The following EIF4G3 variants were observed in gnomAD, a reference collection of about 807,000 sequenced individuals.
EIF4G3 encodes the protein eukaryotic translation initiation factor 4 gamma 3, also known as eIF-4-gamma 3.
In EIF4G3, 34 loss-of-function variants were observed where a neutral mutation model predicts 186.4. The ratio of observed to expected loss-of-function variants is 0.18; its 90% CI spans 0.14 to 0.24. The LOEUF (loss-of-function observed/expected upper bound fraction) is 0.24, where lower values mean the gene tolerates loss of function less well. Among genes scored for constraint, EIF4G3 ranks in the 10% least tolerant of loss-of-function variants. The pLI is 1.00. For missense variants in EIF4G3, 1,536 were observed against 1,948.5 expected (o/e 0.79, Z 3.99); for synonymous variants, 673 against 679.5 (o/e 0.99, Z 0.15).
intron 7 of EIF4G3, among the ~76,000 whole-genome samples, chr1:20,996,185 A>G (rs1159353800): frequency 6.6e-6 from 1 of 152,146 alleles, no homozygotes; most frequent in African/African-American, 2.4e-5. Flanking sequence ...TTCATTATCT[A>G]ATTTACTTTT....
In EIF4G3 at chr1:21,006,765, AAC is replaced by A. The variant is rs1286176037; in HGVS notation, c.-66-3959_-66-3958del. Reference sequence around the variant, plus strand: ...GTGAATTCCATTATAAGACAAAACAAACACAGCATATCAAGTATAACAAGACT... The same window carrying A: ...GTGAATTCCATTATAAGACAAAACAAACAGCATATCAAGTATAACAAGACT... On this transcript the variant is annotated intron_variant, in intron 4 of 36. Coordinates refer to ENST00000602326, the MANE Select transcript of EIF4G3 (RefSeq NM_001391906.1). Among the ~76,000 whole-genome samples the A allele has an allele frequency of 2.0e-5, 3 of 152,330 alleles. No homozygotes were observed. In the East Asian group the frequency reaches 5.8e-4, roughly 29 times the overall value.
At chr1:21,063,328 T>C (rs1017511920) in intron 3 of EIF4G3, among the ~76,000 whole-genome samples, 4 of 152,086 alleles carry the variant, frequency 2.6e-5, no homozygotes, top group Non-Finnish European at 5.9e-5. Context: ...CAACAAGGGT[T>C]CAGATCAAAA....
intron 6 of EIF4G3, chr1:20,999,709 G>A (rs2083083413): frequency 2.2e-6 from 1 of 453,864 alleles, no homozygotes; most frequent in Non-Finnish European, 4.4e-6. Context: ...AGTCTATTTT[G>A]CACTAGTCAC....
rs886383510 is a variant in EIF4G3 at position 21,153,448 on chromosome 1, C to T, written c.-272+22727G>A. On this transcript the variant is annotated intron_variant, in intron 2 of 36. Coordinates refer to ENST00000602326, the MANE Select transcript of EIF4G3 (RefSeq NM_001391906.1). ...ATTCTAACCCTCGCATTCTAAGATT[C>T]TGGTTCTCTTTATTCTCAAGTCCCA... Among the ~76,000 whole-genome samples the T allele has an allele frequency of 1.4e-4, 22 of 152,180 alleles. 1 individual carries two copies. The highest frequency in any genetic ancestry group is 1.2e-3 in the Admixed American group (18 of 15,268).
At chr1:20,862,704 C>T (rs1241526652) in intron 22 of EIF4G3, among the ~76,000 whole-genome samples, 1 of 152,174 alleles carries the variant, frequency 6.6e-6, no homozygotes, top group African/African-American at 2.4e-5. Context: ...TTAGCCACTG[C>T]GTCCAGCCCA....
chr1:21,065,290 T>C (rs1467068523), intron 3 of EIF4G3, among the ~76,000 whole-genome samples: 2 of 151,978 alleles, frequency 1.3e-5, no homozygotes, highest in Non-Finnish European at 2.9e-5. Flanking sequence ...GAATTATCAC[T>C]TTCCAAACAC....
At chr1:21,121,367 CA>C (rs1187421365) in intron 2 of EIF4G3, among the ~76,000 whole-genome samples, 1 of 152,078 alleles carries the variant, frequency 6.6e-6, no homozygotes, top group Non-Finnish European at 1.5e-5. Flanking sequence ...AGTGTAATTT[CA>C]AAAGTTTAAA....
rs569407822 is a variant in EIF4G3 at position 20,838,892 on chromosome 1, G to C, written c.4061+1964C>G. Among the ~76,000 whole-genome samples, 122 of 152,246 alleles carry C rather than the reference G, an allele frequency of 8.0e-4. 1 individual carries two copies. The highest frequency in any genetic ancestry group is 6.8e-3 in the Middle Eastern group (2 of 294). On this transcript the variant is annotated intron_variant, in intron 30 of 36. Coordinates refer to ENST00000602326, the MANE Select transcript of EIF4G3 (RefSeq NM_001391906.1). ...GAGTTTCACCATGCTGCCCAGGCTG[G>C]TCTTAAACTCCTGGGCTCAAGCAAT...
In EIF4G3 at chr1:20,893,759, C is replaced by A. The variant is rs181209885; in HGVS notation, c.2134-123G>T. The A allele has an allele frequency of 5.5e-6, 6 of 1,092,492 alleles. No individual in the cohort carries two copies. In the African/African-American group the frequency reaches 9.5e-5, roughly 17 times the overall value. 67.7% of individuals were successfully genotyped at this position (1,092,492 alleles called of 1,614,324 possible). A position where few individuals can be genotyped will look rare whatever the true frequency, so the allele number is the denominator to read the frequency against. Reference sequence around the variant, plus strand: ...AACGGTAAGCACCAGCTTTGGAACCCGCAGAAGTCCAATCTCATCCATGGC... The same window carrying A: ...AACGGTAAGCACCAGCTTTGGAACCAGCAGAAGTCCAATCTCATCCATGGC... On this transcript the variant is annotated intron_variant, in intron 17 of 36. Transcript: ENST00000602326.
At chr1:20,919,507 A>G (rs1372519505) in intron 14 of EIF4G3, among the ~76,000 whole-genome samples, 2 of 152,104 alleles carry the variant, frequency 1.3e-5, no homozygotes, top group Admixed American at 1.3e-4. Flanking sequence ...GCCTGACCCC[A>G]TATTTTTCTT....
intron 14 of EIF4G3, among the ~76,000 whole-genome samples, chr1:20,907,679 T>C (rs570773753): frequency 6.6e-6 from 1 of 152,272 alleles, no homozygotes; most frequent in Non-Finnish European, 1.5e-5. Flanking sequence ...TTGCTGAGAA[T>C]GATGGTTTCC....
chr1:21,140,966 G>C (rs1394337911), intron 2 of EIF4G3, among the ~76,000 whole-genome samples: 5 of 152,126 alleles, frequency 3.3e-5, no homozygotes, highest in African/African-American at 1.2e-4. Context: ...ATGACTTAAT[G>C]AATGTGATAA....
chr1:21,046,147 A>G (rs2093873697), intron 4 of EIF4G3, among the ~76,000 whole-genome samples: 2 of 152,358 alleles, frequency 1.3e-5, no homozygotes, highest in African/African-American at 4.8e-5. Flanking sequence ...TACTCTTCCC[A>G]GAGAACAGAC....
chr1:20,868,973 T>C (rs1052524614), intron 20 of EIF4G3, among the ~76,000 whole-genome samples: 12 of 152,214 alleles, frequency 7.9e-5, no homozygotes, highest in African/African-American at 2.7e-4. Context: ...ACTGCTGACA[T>C]ATTTGTTAGT....
At chr1:21,118,218 A>G (rs999689877) in intron 2 of EIF4G3, among the ~76,000 whole-genome samples, 1 of 152,222 alleles carries the variant, frequency 6.6e-6, no homozygotes, top group African/African-American at 2.4e-5. Context: ...TCACATATGA[A>G]CAAGTAATAC....
At chr1:21,031,418 G>A (rs2092736994) in intron 4 of EIF4G3, among the ~76,000 whole-genome samples, 1 of 150,600 alleles carries the variant, frequency 6.6e-6, no homozygotes, top group Non-Finnish European at 1.5e-5. Context: ...AGAGAGAGCT[G>A]TTTATGCATT....
At chr1:20,854,326 C>T (rs909318015) in intron 26 of EIF4G3, among the ~76,000 whole-genome samples, 4 of 151,872 alleles carry the variant, frequency 2.6e-5, no homozygotes, top group African/African-American at 9.7e-5. Context: ...AATGAGTTTC[C>T]CTTTTAATTT....
chr1:20,965,495 T>TA (rs1558471747), intron 12 of EIF4G3, among the ~76,000 whole-genome samples: 2 of 152,204 alleles, frequency 1.3e-5, no homozygotes, highest in African/African-American at 4.8e-5. Flanking sequence ...TCATCCTTTT[T>TA]AGAGTCCTTA....
At chr1:21,013,030 GA>G (rs2087669294) in intron 4 of EIF4G3, among the ~76,000 whole-genome samples, 1 of 152,132 alleles carries the variant, frequency 6.6e-6, no homozygotes, top group African/African-American at 2.4e-5. Context: ...TATGAAAGTA[GA>G]AGCAGTAGCA....
Sources: gnomAD v4.1 joint callset for allele counts (sites outside exome capture counted in the v4.1 genomes callset) on GRCh38, gnomAD v4.1.1 for gene constraint, MANE v1.5 for transcripts, NCBI Gene and HGNC (gene_info 2026-07-23, HGNC 2026-07-21) for gene names.